PPFIA3: variants seen among roughly 807,000 people sequenced by gnomAD.
PPFIA3 encodes the protein PPFI scaffold protein A3.
A neutral mutation model predicts 145.8 loss-of-function variants in PPFIA3; 26 were observed. That is an observed-to-expected ratio of 0.18 (90% CI 0.13 to 0.25). PPFIA3 has a LOEUF of 0.25. Ranked by LOEUF, PPFIA3 falls within the 10% of genes least tolerant of loss-of-function variation. The probability of loss-of-function intolerance (pLI) is 1.00; values close to 1 mark genes in which losing one functional copy is unlikely to be tolerated. For missense variants in PPFIA3, 1,008 were observed against 1,587.8 expected, an observed-to-expected ratio of 0.63 and a Z score of 6.21; for synonymous variants, 645 against 661.4, an observed-to-expected ratio of 0.98 and a Z score of 0.38.
chr19:49,129,253 C>A, intron 4 of PPFIA3, 127 bp from the exon 5 acceptor site: 1 of 1,059,244 alleles, frequency 9.4e-7, no homozygotes, highest in Non-Finnish European at 1.3e-6. Flanking sequence ...CGGCTGCATA[C>A]CCGTTATGGA....
chr19:49,149,389 G>A lies in PPFIA3; in HGVS notation c.3354+64G>A, dbSNP rs775934334. On this transcript the variant is annotated intron_variant, in intron 27 of 29. Transcript: ENST00000334186. This position sits in a 1 kb window ranked among gnomAD's most constrained non-coding sequence, Gnocchi z 5.7. The stretch of plus-strand genomic sequence containing the variant: ...GGCTCCTCGAGAGGCTGAGCTGAGG[G>A]GGCGGGGCCTGACTATTAATGGTCA... 2 of 1,602,588 alleles carry A rather than the reference G, an allele frequency of 1.2e-6. No homozygotes were observed. Among genetic ancestry groups the A allele is most frequent in the Non-Finnish European group, 1.7e-6 (2 of 1,170,140 alleles).
intron 19 of PPFIA3, 112 bp from the exon 20 acceptor site, chr19:49,141,922 C>T (rs184435430): frequency 3.4e-5 from 21 of 625,592 alleles, no homozygotes; most frequent in East Asian, 6.6e-5. Context: ...ATAAAAGCTG[C>T]GTGTGCGTAT....
In PPFIA3 at chr19:49,149,346, G is replaced by C. The variant is rs764208418; in HGVS notation, c.3354+21G>C. On this transcript the variant is annotated intron_variant, in intron 27 of 29. Transcript: ENST00000334186. The surrounding 1 kb of genome is among the most constrained non-coding windows in gnomAD (Gnocchi z 5.7). ...ACGAGGTGGGCGCGGCAACAGCTCA[G>C]AGGGCTCTGCTCCCAGCGGCTCCTC... 6.2e-7 allele frequency: 1 copy of C among 1,613,414 alleles called. No homozygotes were observed. The highest frequency in any genetic ancestry group is 1.1e-5 in the South Asian group (1 of 91,066).
chr19:49,136,230 G>T (rs1464585423), intron 14 of PPFIA3, among the ~76,000 whole-genome samples: 1 of 152,148 alleles, frequency 6.6e-6, no homozygotes, highest in Non-Finnish European at 1.5e-5. Context: ...ATCAGGGGCG[G>T]GGGTGGAGTC....
At chr19:49,142,517 T>TTC (rs370530869) in intron 20 of PPFIA3, among the ~76,000 whole-genome samples, 5 of 149,456 alleles carry the variant, frequency 3.3e-5, no homozygotes, top group African/African-American at 1.2e-4. Context: ...CACCCTCTAT[T>TTC]TCTCTCTCTC....
Position 49,148,166 on chromosome 19 carries a change from C to T in PPFIA3, c.2919C>T (p.Tyr973=), listed in dbSNP as rs772302599. Residue 973 remains tyrosine, a synonymous_variant, in exon 24 of 30, where the codon TAC becomes TAT. Transcript: ENST00000334186. ...TGGGGCTGCCCCAATACCGCAGCTA[C>T]TTCATGGAGTCGCTGGTGGACGCTC... The part of the protein sequence containing the change: ...PSLGLPQYRS[Y]FMESLVDARM... 2 of 1,614,116 alleles carry T rather than the reference C, an allele frequency of 1.2e-6. No homozygotes were observed. The highest frequency in any genetic ancestry group is 1.7e-6 in the Non-Finnish European group (2 of 1,180,042).
intron 19 of PPFIA3, 94 bp from the exon 20 acceptor site, chr19:49,141,940 T>TGG: frequency 1.1e-6 from 1 of 870,128 alleles, no homozygotes; most frequent in South Asian, 1.7e-5. Context: ...TATGTGCATG[T>TGG]GTGTGTGTGT....
chr19:49,134,603 A>G, intron 11 of PPFIA3, 36 bp from the exon 12 acceptor site: 1 of 1,602,188 alleles, frequency 6.2e-7, no homozygotes, highest in South Asian at 1.1e-5. Flanking sequence ...GTGGCCCCTC[A>G]GGCCTCACTC....
At chr19:49,147,661 G>T (rs1440781589) in intron 23 of PPFIA3, among the ~76,000 whole-genome samples, 2 of 151,328 alleles carry the variant, frequency 1.3e-5, no homozygotes, top group Non-Finnish European at 2.9e-5. Context: ...GCTCCAGCCT[G>T]GGTGACATAG....
At chr19:49,148,536 AAC>A in intron 24 of PPFIA3, 128 bp from the exon 25 acceptor site, 1 of 804,072 alleles carries the variant, frequency 1.2e-6, no homozygotes. Flanking sequence ...TGAGGGGGTC[AAC>A]AGTCAATAGA....
intron 18 of PPFIA3, 41 bp downstream of exon 18, chr19:49,140,129 C>T (rs908056550): frequency 6.3e-7 from 1 of 1,591,342 alleles, no homozygotes; most frequent in Admixed American, 1.7e-5. Flanking sequence ...TTGTTCCTTC[C>T]TCCCTTCCTC....
In PPFIA3 at chr19:49,128,719, C is replaced by T. The variant is rs545182818; in HGVS notation, c.343-129C>T. On this transcript the variant is annotated intron_variant, in intron 3 of 29. Transcript: ENST00000334186. The surrounding 1 kb of genome is among the most constrained non-coding windows in gnomAD (Gnocchi z 4.1). ...ACCCCGACCTCCTCTCTTTTCCTGA[C>T]CTGTCTCGGTGCTCCTTTATATGGC... 11 of 985,002 alleles carry T rather than the reference C, an allele frequency of 1.1e-5. No homozygotes were observed. In the Admixed American group the frequency reaches 1.5e-4, roughly 13 times the overall value. The allele number at this position is 985,002 out of a possible 1,614,324, so 61.0% of individuals were successfully genotyped here.
chr19:49,125,002 G>A (rs2040979982), intron 1 of PPFIA3, among the ~76,000 whole-genome samples: 1 of 152,156 alleles, frequency 6.6e-6, no homozygotes, highest in Non-Finnish European at 1.5e-5. Context: ...GGGAGGCAGA[G>A]GTTGCAGTGA....
rs2040924894 is a variant in PPFIA3 at position 49,120,576 on chromosome 19, G to C, written c.-16+854G>C. Among the ~76,000 whole-genome samples, 1 of 152,120 alleles carries C rather than the reference G, an allele frequency of 6.6e-6. No individual in the cohort carries two copies. Among genetic ancestry groups the C allele is most frequent in the Admixed American group, 6.6e-5 (1 of 15,266 alleles). On this transcript the variant is annotated intron_variant, in intron 1 of 29. Coordinates refer to ENST00000334186, the MANE Select transcript of PPFIA3 (RefSeq NM_003660.4). The surrounding 1 kb of genome is among the most constrained non-coding windows in gnomAD (Gnocchi z 4.6). ...CAGCACCTAGGAATCCTGTTCCCCAGCGTTTGCTCTGCTTAGAACCCCGCT... is the reference window on the plus strand; with the variant it reads ...CAGCACCTAGGAATCCTGTTCCCCACCGTTTGCTCTGCTTAGAACCCCGCT...
chr19:49,134,867 A>G lies in PPFIA3; in HGVS notation c.1472A>G (p.Gln491Arg). 6.3e-7 allele frequency: 1 copy of G among 1,594,468 alleles called. No homozygotes were observed. Among genetic ancestry groups the G allele is most frequent in the Non-Finnish European group, 8.6e-7 (1 of 1,168,374 alleles). ...EQLLAEMERMQMEIDQLRGRP... is the reference protein window; with the variant it reads ...EQLLAEMERMRMEIDQLRGRP... ...CTCTTGGCCGAAATGGAGCGGATGC[A>G]GATGGAGATCGACCAGCTGCGGGGG... is the stretch of plus-strand genomic sequence containing the variant. The change falls in exon 13 of 30, where the codon CAG becomes CGG. Residue 491 changes from glutamine (Q) to arginine (R), a missense_variant. Gln to Arg is a conservative substitution (Grantham distance 43, BLOSUM62 1). This residue lies in a region of PPFIA3 where 121 missense variants were observed against 138.2 expected (regional missense o/e 0.88). Coordinates refer to ENST00000334186, the MANE Select transcript of PPFIA3 (RefSeq NM_003660.4).
intron 28 of PPFIA3, 28 bp from the exon 29 acceptor site, chr19:49,150,052 G>A: frequency 1.3e-6 from 2 of 1,597,074 alleles, no homozygotes; most frequent in Non-Finnish European, 1.7e-6. Flanking sequence ...GGTGCTCCAG[G>A]CTGAACCGCT....
intron 1 of PPFIA3, among the ~76,000 whole-genome samples, chr19:49,123,868 T>C (rs1259098767): frequency 6.6e-6 from 1 of 152,152 alleles, no homozygotes; most frequent in Non-Finnish European, 1.5e-5. Context: ...AGTTTAGAAC[T>C]TGTCCCCTGG....
intron 21 of PPFIA3, among the ~76,000 whole-genome samples, chr19:49,144,865 A>G (rs1752258657): frequency 6.6e-6 from 1 of 151,760 alleles, no homozygotes; most frequent in Admixed American, 6.6e-5. Context: ...CCTTGTAAAC[A>G]CCACATCCTT....
rs753658143 is a variant in PPFIA3, at chr19:49,148,798, G to T, written c.3109+35G>T. ...GCCTAAGGGTCCCTTTGGGAGCCAGGTGGAGGGCGTGGAGCTGGATGGGGA... is the reference window on the plus strand; with the variant it reads ...GCCTAAGGGTCCCTTTGGGAGCCAGTTGGAGGGCGTGGAGCTGGATGGGGA... On this transcript the variant is annotated intron_variant, in intron 25 of 29. Coordinates refer to ENST00000334186, the MANE Select transcript of PPFIA3 (RefSeq NM_003660.4). The T allele has an allele frequency of 1.1e-5, 18 of 1,582,698 alleles. No homozygotes were observed. The African/African-American group carries it at 2.3e-4, about 20-fold the overall frequency.
Sources: allele counts gnomAD v4.1 joint callset (sites outside exome capture counted in the v4.1 genomes callset), GRCh38; gene constraint gnomAD v4.1.1; regional missense constraint gnomAD v4.1.1; non-coding constraint Gnocchi (gnomAD v3.1); transcripts MANE v1.5; gene names NCBI Gene and HGNC (gene_info 2026-07-23, HGNC 2026-07-21).